MTRES1: variants seen among roughly 807,000 people sequenced by gnomAD.
MTRES1 encodes the protein uncharacterized protein C6orf203.
In MTRES1, 11 loss-of-function variants were observed where a neutral mutation model predicts 17.4. That is an observed-to-expected ratio of 0.63 (90% CI 0.40 to 1.05). MTRES1 has a LOEUF of 1.05. Among genes scored for constraint, MTRES1 ranks in the 50% least tolerant of loss-of-function variants. The probability of loss-of-function intolerance (pLI) is 0.00; values close to 1 mark genes in which losing one functional copy is unlikely to be tolerated. For synonymous variants in MTRES1, 94 were observed against 99.6 expected (o/e 0.94, Z 0.34); for missense variants, 268 against 276.2 (o/e 0.97, Z 0.21).
intron 3 of MTRES1, among the ~76,000 whole-genome samples, chr6:107,050,670 G>A (rs1041788602): frequency 1.9e-4 from 28 of 147,918 alleles, no homozygotes; most frequent in African/African-American, 4.2e-4. Flanking sequence ...TCTACTTCCC[G>A]GGTCCAAGCG....
At chr6:107,030,405 A>G (rs577616844) in intron 1 of MTRES1, among the ~76,000 whole-genome samples, 2 of 152,324 alleles carry the variant, frequency 1.3e-5, no homozygotes, top group African/African-American at 4.8e-5. Context: ...AAGACTCAGC[A>G]CGTAGTCATA....
At chr6:107,047,006 G>A (rs1554228487) in intron 3 of MTRES1, among the ~76,000 whole-genome samples, 1 of 151,398 alleles carries the variant, frequency 6.6e-6, no homozygotes, top group South Asian at 2.1e-4. Context: ...GTTTCACTGT[G>A]TTAGCCAGGA....
intron 1 of MTRES1, among the ~76,000 whole-genome samples, chr6:107,037,096 A>G (rs1323076518): frequency 1.3e-5 from 2 of 152,026 alleles, no homozygotes; most frequent in African/African-American, 4.8e-5. Context: ...CTTTAAAAAA[A>G]AAGTTTTTTT....
Position 107,039,961 on chromosome 6 carries a change from C to T in MTRES1, c.201C>T (p.Leu67=), listed in dbSNP as rs1554227439. 7.4e-6 allele frequency: 12 copies of T among 1,613,798 alleles called. No individual in the cohort carries two copies. In the Admixed American group the frequency reaches 1.7e-4, roughly 22 times the overall value. The change falls in exon 2 of 4, where the codon CTC becomes CTT. Residue 67 remains leucine, a synonymous_variant. Transcript: ENST00000311381. ...TLFYNIFSLR[L]PGLLLSPECI... ...TTTATAATATTTTCTCACTGAGACTCCCAGGGCTTTTACTATCTCCAGAAT... is the reference window on the plus strand; with the variant it reads ...TTTATAATATTTTCTCACTGAGACTTCCAGGGCTTTTACTATCTCCAGAAT...
At chr6:107,046,125 C>T (rs1236783876) in intron 3 of MTRES1, among the ~76,000 whole-genome samples, 3 of 152,230 alleles carry the variant, frequency 2.0e-5, no homozygotes, top group Admixed American at 1.3e-4. Flanking sequence ...TGGCTGTCAG[C>T]AGCTATTGCT....
chr6:107,044,051 G>A (rs1316539460), intron 2 of MTRES1, among the ~76,000 whole-genome samples: 1 of 152,188 alleles, frequency 6.6e-6, no homozygotes, highest in African/African-American at 2.4e-5. Context: ...GAACCCAGGA[G>A]GTGGAGGTTG....
At chr6:107,049,869 G>A (rs1485698085) in intron 3 of MTRES1, among the ~76,000 whole-genome samples, 1 of 151,932 alleles carries the variant, frequency 6.6e-6, no homozygotes, top group Non-Finnish European at 1.5e-5. Flanking sequence ...TTACAGGTGT[G>A]TGCCACCATG....
intron 3 of MTRES1, among the ~76,000 whole-genome samples, chr6:107,047,207 A>G (rs781497120): frequency 5.9e-5 from 9 of 151,728 alleles, no homozygotes; most frequent in Non-Finnish European, 1.2e-4. Flanking sequence ...TTTTCTTTGT[A>G]TATTTTTTTT....
intron 3 of MTRES1, among the ~76,000 whole-genome samples, chr6:107,045,707 C>T (rs1303327468): frequency 2.6e-5 from 4 of 151,956 alleles, no homozygotes; most frequent in African/African-American, 4.8e-5. Flanking sequence ...GTTAACAAAA[C>T]ACAATAAAAA....
intron 1 of MTRES1, among the ~76,000 whole-genome samples, chr6:107,034,393 A>G (rs1554226734): frequency 1.3e-5 from 2 of 150,948 alleles, no homozygotes; most frequent in South Asian, 2.1e-4. Flanking sequence ...AGTTCCTCCC[A>G]CTCTTCTACC....
intron 2 of MTRES1, among the ~76,000 whole-genome samples, chr6:107,043,503 C>G (rs1554228031): frequency 6.6e-6 from 1 of 152,172 alleles, no homozygotes; most frequent in Non-Finnish European, 1.5e-5. Flanking sequence ...GAAAACTTAA[C>G]TACTAATATA....
At chr6:107,043,288 C>T (rs1459397522) in intron 2 of MTRES1, among the ~76,000 whole-genome samples, 23 of 151,318 alleles carry the variant, frequency 1.5e-4, no homozygotes, top group African/African-American at 5.4e-4. Context: ...GAGCCGAGAC[C>T]ACACCACCGC....
At chr6:107,049,387 T>A (rs1774509008) in intron 3 of MTRES1, among the ~76,000 whole-genome samples, 1 of 149,984 alleles carries the variant, frequency 6.7e-6, no homozygotes, top group South Asian at 2.1e-4. Context: ...AGCATGTGGC[T>A]CCTGGGTCTG....
chr6:107,030,163 G>C (rs1239656186), intron 1 of MTRES1: 1 of 718,522 alleles, frequency 1.4e-6, no homozygotes. Context: ...ATTTGCAAGA[G>C]TCAAATTGGC....
chr6:107,039,682 GGTTT>G, intron 1 of MTRES1, 63 bp from the exon 2 acceptor site: 1 of 1,494,160 alleles, frequency 6.7e-7, no homozygotes. Context: ...TAGTGCATAT[GGTTT>G]ATGTTGTAAT....
At chr6:107,039,315 T>C (rs970868388) in intron 1 of MTRES1, among the ~76,000 whole-genome samples, 1 of 151,908 alleles carries the variant, frequency 6.6e-6, no homozygotes, top group Admixed American at 6.6e-5. Context: ...TGTTTTTTTG[T>C]TTTTTGGTTT....
At chr6:107,036,354 A>G (rs1554226937) in intron 1 of MTRES1, among the ~76,000 whole-genome samples, 3 of 151,472 alleles carry the variant, frequency 2.0e-5, no homozygotes, top group Non-Finnish European at 1.5e-5. Context: ...GACGAGCCTG[A>G]CCAATATGGA....
intron 1 of MTRES1, among the ~76,000 whole-genome samples, chr6:107,031,748 G>A (rs1038586894): frequency 6.6e-6 from 1 of 152,046 alleles, no homozygotes; most frequent in African/African-American, 2.4e-5. Flanking sequence ...TTACAGGCAC[G>A]TGCCACCACA....
Position 107,051,139 on chromosome 6 carries a change from A to G in MTRES1, c.626A>G (p.Lys209Arg). 1 of 1,614,154 alleles carries G rather than the reference A, an allele frequency of 6.2e-7. No individual in the cohort carries two copies. The highest frequency in any genetic ancestry group is 8.5e-7 in the Non-Finnish European group (1 of 1,179,986). The change falls in exon 4 of 4, where the codon AAA becomes AGA. Residue 209 changes from lysine (K) to arginine (R), a missense_variant. By Grantham distance (26) the Lys-to-Arg change is conservative. Coordinates refer to ENST00000311381, the MANE Select transcript of MTRES1 (RefSeq NM_016487.5). ...GTETVMRILL[K>R]KVFEEKTESE... ...GAGACAGTTATGCGGATTCTCTTGA[A>G]AAAAGTGTTTGAAGAGAAGACTGAA...
Sources: allele counts gnomAD v4.1 joint callset (sites outside exome capture counted in the v4.1 genomes callset), GRCh38; gene constraint gnomAD v4.1.1; transcripts MANE v1.5; gene names NCBI Gene and HGNC (gene_info 2026-07-23, HGNC 2026-07-21).